Variants in C21orf91 observed in about 807,000 individuals in gnomAD.
C21orf91 encodes chromosome 21 open reading frame 91.
Under a neutral mutation model 32.9 loss-of-function variants are expected in C21orf91, and 26 were observed. That is an observed-to-expected ratio of 0.79 (90% confidence interval 0.58 to 1.10). The LOEUF (loss-of-function observed/expected upper bound fraction) is 1.10. C21orf91 is among the 50% of genes least tolerant of loss of function. C21orf91 has a pLI of 0.00. For missense variants in C21orf91, 310 were observed against 341.3 expected, an observed-to-expected ratio of 0.91 and a Z score of 0.72; for synonymous variants, 126 against 120.4, an observed-to-expected ratio of 1.05 and a Z score of -0.31.
chr21:17,811,338 T>A (rs1424698323), intron 2 of C21orf91: 1 of 152,234 alleles, frequency 6.6e-6, no homozygotes, highest in African/African-American at 2.4e-5. Context: ...CCAACTATTA[T>A]TTAGATAAGA....
intron 2 of C21orf91, 115 bp downstream of exon 2, chr21:17,818,077 T>A: frequency 1.4e-6 from 1 of 712,096 alleles, no homozygotes; most frequent in South Asian, 2.1e-5. Context: ...CTCTACACTA[T>A]TCATACTTAG....
intron 2 of C21orf91, among the ~76,000 whole-genome samples, chr21:17,804,184 T>C (rs2062580699): frequency 6.6e-6 from 1 of 152,142 alleles, no homozygotes; most frequent in African/African-American, 2.4e-5. Context: ...AAGCCATAAT[T>C]CAGGAAGTTA....
intron 2 of C21orf91, among the ~76,000 whole-genome samples, chr21:17,815,239 TGGACTCAAAAC>T (rs1340802270): frequency 6.6e-6 from 1 of 152,194 alleles, no homozygotes; most frequent in Non-Finnish European, 1.5e-5. Flanking sequence ...TACAAATGTA[TGGACTCAAAAC>T]TAGCTTAACT....
At chr21:17,805,986 T>C (rs1442379970) in intron 2 of C21orf91, among the ~76,000 whole-genome samples, 1 of 151,898 alleles carries the variant, frequency 6.6e-6, no homozygotes, top group African/African-American at 2.4e-5. Flanking sequence ...TTTCCTATGA[T>C]AGACAAGGGT....
chr21:17,794,599 T>C, intron 4 of C21orf91, among the ~76,000 whole-genome samples: 1 of 152,240 alleles, frequency 6.6e-6, no homozygotes, highest in African/African-American at 2.4e-5. Flanking sequence ...AAGGGTTCAC[T>C]ATACTAGTCT....
rs962108581 is a variant in C21orf91 at position 17,790,269 on chromosome 21, T to G, written c.*3146A>C. On this transcript the variant is annotated 3_prime_UTR_variant, in exon 5 of 5. Transcript: ENST00000284881. ...TTCCAAAACAAAACAAAACCCAAAC[T>G]GGGAAACATTAAAACACAAATAGAT... The G allele has an allele frequency of 6.6e-6, 1 of 151,666 alleles. No individual in the cohort carries two copies. Among genetic ancestry groups the G allele is most frequent in the African/African-American group, 2.4e-5 (1 of 41,312 alleles). The allele number at this position is 151,666 out of a possible 1,614,324, so 9.4% of individuals were successfully genotyped here.
intron 2 of C21orf91, among the ~76,000 whole-genome samples, chr21:17,805,586 T>C (rs1046048956): frequency 1.4e-4 from 22 of 152,206 alleles, no homozygotes; most frequent in African/African-American, 4.8e-4. Flanking sequence ...AGTGCTGGGA[T>C]TACAGGCGTG....
At chr21:17,813,565 T>A (rs937939301) in intron 2 of C21orf91, among the ~76,000 whole-genome samples, 2 of 152,228 alleles carry the variant, frequency 1.3e-5, no homozygotes, top group Admixed American at 6.5e-5. Flanking sequence ...AGATACATAC[T>A]TACTCATCAA....
At chr21:17,811,193 G>A (rs1017751992) in intron 2 of C21orf91, among the ~76,000 whole-genome samples, 1 of 152,050 alleles carries the variant, frequency 6.6e-6, no homozygotes, top group African/African-American at 2.4e-5. Flanking sequence ...TGTGATTTTT[G>A]GAATAGTTAC....
intron 2 of C21orf91, chr21:17,811,555 T>C (rs1405251992): frequency 1.3e-5 from 2 of 152,198 alleles, no homozygotes; most frequent in Admixed American, 1.3e-4. Flanking sequence ...AAATAATCGT[T>C]TCTGGAGAGG....
At chr21:17,815,880 G>A (rs1370059589) in intron 2 of C21orf91, among the ~76,000 whole-genome samples, 5 of 152,084 alleles carry the variant, frequency 3.3e-5, no homozygotes, top group Admixed American at 6.5e-5. Flanking sequence ...GGCTGGTACC[G>A]AACTCCCAAC....
intron 2 of C21orf91, among the ~76,000 whole-genome samples, chr21:17,797,744 T>C (rs1279703322): frequency 6.6e-6 from 1 of 152,024 alleles, no homozygotes; most frequent in Non-Finnish European, 1.5e-5. Context: ...CTAGAAGAAA[T>C]GCATTATACT....
intron 1 of C21orf91, 28 bp from the exon 2 acceptor site, chr21:17,818,353 C>A (rs2062679218): frequency 6.3e-7 from 1 of 1,579,244 alleles, no homozygotes; most frequent in Non-Finnish European, 8.6e-7. Flanking sequence ...AGGAAAGTTA[C>A]ACAATTTCAT....
In C21orf91 at chr21:17,791,336, C is replaced by T. The variant is rs925521841; in HGVS notation, c.*2079G>A. On this transcript the variant is annotated 3_prime_UTR_variant, in exon 5 of 5. Coordinates refer to ENST00000284881, the MANE Select transcript of C21orf91 (RefSeq NM_001100420.2). ...ATCTAAATGGAATAAATCAGAGTCC[C>T]ACTTAAGACCTTAGCACATGCACAC... is the stretch of plus-strand genomic sequence containing the variant. The T allele has an allele frequency of 1.3e-5, 2 of 152,072 alleles. No individual in the cohort carries two copies. The highest frequency in any genetic ancestry group is 1.3e-4 in the Admixed American group (2 of 15,254). 9.4% of individuals were successfully genotyped at this position (152,072 alleles called of 1,614,324 possible).
At chr21:17,812,584 T>C (rs566065383) in intron 2 of C21orf91, among the ~76,000 whole-genome samples, 9 of 152,178 alleles carry the variant, frequency 5.9e-5, no homozygotes, top group South Asian at 2.1e-4. Flanking sequence ...CCGAGGTGGG[T>C]GCATCACGAG....
intron 2 of C21orf91, among the ~76,000 whole-genome samples, chr21:17,799,432 A>G (rs2062543809): frequency 6.6e-6 from 1 of 152,144 alleles, no homozygotes; most frequent in East Asian, 1.9e-4. Flanking sequence ...ATCTGGCATC[A>G]CCAACTAACT....
At chr21:17,795,089 C>A (rs2062507724) in intron 4 of C21orf91, 119 bp downstream of exon 4, 1 of 716,986 alleles carries the variant, frequency 1.4e-6, no homozygotes, top group Non-Finnish European at 2.5e-6. Flanking sequence ...GAAACTCTAA[C>A]AGGTTTGAAT....
At chr21:17,795,637 TA>T (rs1440839641) in intron 3 of C21orf91, among the ~76,000 whole-genome samples, 1 of 152,058 alleles carries the variant, frequency 6.6e-6, no homozygotes, top group Non-Finnish European at 1.5e-5. Flanking sequence ...CCACCACACC[TA>T]ATTTTTTTAT....
At chr21:17,806,302 C>T (rs911689834) in intron 2 of C21orf91, among the ~76,000 whole-genome samples, 2 of 151,896 alleles carry the variant, frequency 1.3e-5, no homozygotes, top group Admixed American at 6.6e-5. Flanking sequence ...TTAGAGGGCA[C>T]GAAGAATAGT....
Sources: gnomAD v4.1 joint callset for allele counts (sites outside exome capture counted in the v4.1 genomes callset) on GRCh38, gnomAD v4.1.1 for gene constraint, MANE v1.5 for transcripts, NCBI Gene and HGNC (gene_info 2026-07-23, HGNC 2026-07-21) for gene names.